The following TEX10 variants were observed in gnomAD, a reference collection of about 807,000 sequenced individuals.
TEX10 encodes testis-expressed protein 10.
TEX10 carries 24 observed loss-of-function variants against 104.4 expected under a neutral mutation model. The observed-to-expected ratio is 0.23, with a 90% CI of 0.17 to 0.32. The LOEUF (loss-of-function observed/expected upper bound fraction) is 0.32, where lower values mean the gene tolerates loss of function less well. TEX10 is among the 10% of genes least tolerant of loss of function. The pLI is 1.00. For synonymous variants in TEX10, 396 were observed against 393.4 expected, an observed-to-expected ratio of 1.01 and a Z score of -0.08; for missense variants, 921 against 1,083.9, an observed-to-expected ratio of 0.85 and a Z score of 2.11.
At chr9:100,334,262 A>G (rs1206933913) in intron 5 of TEX10, among the ~76,000 whole-genome samples, 4 of 149,122 alleles carry the variant, frequency 2.7e-5, no homozygotes, top group East Asian at 3.9e-4. Flanking sequence ...CTTTAGGGGG[A>G]AAAAAAAAAC....
At chr9:100,331,308 G>A (rs547180498) in intron 5 of TEX10, among the ~76,000 whole-genome samples, 1 of 152,166 alleles carries the variant, frequency 6.6e-6, no homozygotes, top group African/African-American at 2.4e-5. Flanking sequence ...ATGCTGGCAA[G>A]TGCCTGTAGT....
At chr9:100,328,458 C>T (rs560590996) in intron 7 of TEX10, among the ~76,000 whole-genome samples, 48 of 152,314 alleles carry the variant, frequency 3.2e-4, no homozygotes, top group Non-Finnish European at 5.4e-4. Flanking sequence ...CTCTGCTATA[C>T]ATTAGCTACA....
chr9:100,320,705 T>TA, intron 10 of TEX10, among the ~76,000 whole-genome samples: 1 of 152,318 alleles, frequency 6.6e-6, no homozygotes, highest in African/African-American at 2.4e-5. Flanking sequence ...TCTTTCCAAT[T>TA]AATGGTAGGT....
intron 14 of TEX10, among the ~76,000 whole-genome samples, chr9:100,303,196 C>T (rs530923357): frequency 6.6e-6 from 1 of 152,034 alleles, no homozygotes; most frequent in Admixed American, 6.5e-5. Context: ...CTTTAATGAT[C>T]ACCAAAACAC....
At chr9:100,316,543 G>GA (rs966079785) in intron 11 of TEX10, among the ~76,000 whole-genome samples, 64 of 151,790 alleles carry the variant, frequency 4.2e-4, no homozygotes, top group Admixed American at 3.4e-3. Context: ...TCAGGCAAGA[G>GA]AAAAAAAATA....
At chr9:100,308,016 G>C (rs1045060716) in intron 13 of TEX10, 1 of 152,040 alleles carries the variant, frequency 6.6e-6, no homozygotes, top group Non-Finnish European at 1.5e-5. Context: ...TCCCAACTAC[G>C]CTAAAAGCTC....
intron 6 of TEX10, 122 bp downstream of exon 6, chr9:100,329,809 T>C (rs1218354454): frequency 1.3e-5 from 11 of 856,578 alleles, no homozygotes; most frequent in African/African-American, 3.4e-5. Flanking sequence ...CTACCTTTTA[T>C]GGCTTGAATA....
chr9:100,324,244 G>C (rs1834647711), intron 9 of TEX10, among the ~76,000 whole-genome samples: 1 of 151,986 alleles, frequency 6.6e-6, no homozygotes, highest in South Asian at 2.1e-4. Context: ...CGTTGGCCAG[G>C]CTGGTCTCAA....
chr9:100,309,668 A>G (rs1313298124), intron 12 of TEX10, among the ~76,000 whole-genome samples: 1 of 152,244 alleles, frequency 6.6e-6, no homozygotes, highest in Non-Finnish European at 1.5e-5. Context: ...ATGTGCCTAT[A>G]TTTTATCCAA....
intron 13 of TEX10, chr9:100,307,920 T>A (rs1834181744): frequency 6.6e-6 from 1 of 152,098 alleles, no homozygotes; most frequent in South Asian, 2.1e-4. Flanking sequence ...TGTTAGCAGG[T>A]TTTAAAACCT....
chr9:100,330,618 G>A (rs1834835941), intron 5 of TEX10, among the ~76,000 whole-genome samples: 1 of 152,102 alleles, frequency 6.6e-6, no homozygotes, highest in Non-Finnish European at 1.5e-5. Flanking sequence ...GTGAAATAAG[G>A]AGACATACCC....
intron 6 of TEX10, 76 bp from the exon 7 acceptor site, chr9:100,329,351 G>A (rs977173071): frequency 5.1e-5 from 78 of 1,525,624 alleles, no homozygotes; most frequent in Admixed American, 7.1e-5. Flanking sequence ...TGAATGCACC[G>A]AAGTACTTTA....
At position 100,302,279 on chromosome 9, in the gene TEX10, TC is replaced by T. The variant is rs776900829; in HGVS notation, c.2701del (p.Glu901AsnfsTer38). The T allele has an allele frequency of 6.2e-7, 1 of 1,613,596 alleles. No homozygotes were observed. The highest frequency in any genetic ancestry group is 1.1e-5 in the South Asian group (1 of 90,994). On this transcript the variant is annotated frameshift_variant, in exon 15 of 15. Transcript: ENST00000374902. LOFTEE classifies it high-confidence loss of function. ...ITTLKSGSVQ[E>X]QWLTDLHYCF... ...GTAATGTAAGTCTGTGAGCCACTGT[TC>T]CTGAACACTTCCACTCTTCAATGTC... is the stretch of plus-strand genomic sequence containing the variant.
intron 14 of TEX10, 150 bp from the exon 15 acceptor site, chr9:100,302,454 G>A (rs1273832602): frequency 1.8e-6 from 1 of 552,326 alleles, no homozygotes; most frequent in Non-Finnish European, 3.2e-6. Flanking sequence ...AGGAAACAGG[G>A]AACTATTAAT....
At chr9:100,352,541 G>A (rs1835483228) in intron 1 of TEX10, 1 of 1,547,610 alleles carries the variant, frequency 6.5e-7, no homozygotes. Flanking sequence ...GAAACCAGGC[G>A]AACCCGCCCA....
At position 100,329,263 on chromosome 9, in the gene TEX10, G is replaced by A. The variant is rs1834790601; in HGVS notation, c.1502C>T (p.Thr501Ile). 2 of 1,605,040 alleles carry A rather than the reference G, an allele frequency of 1.2e-6. No homozygotes were observed. The highest frequency in any genetic ancestry group is 1.7e-6 in the Non-Finnish European group (2 of 1,178,048). ...QIQPNREDTE[T>I]LIKAVYTLYQ... ...TAATGTATAAACTGCCTTAATAAGAGTCTCTGTGTCCTCTACAAACAGAAA... is the reference window on the plus strand; with the variant it reads ...TAATGTATAAACTGCCTTAATAAGAATCTCTGTGTCCTCTACAAACAGAAA... The change falls in exon 7 of 15, where the codon ACT becomes ATT. Residue 501 changes from threonine to isoleucine, a missense_variant. Physicochemically the swap from Thr to Ile is moderately conservative, Grantham distance 89 (BLOSUM62 -1). Transcript: ENST00000374902.
intron 9 of TEX10, among the ~76,000 whole-genome samples, chr9:100,323,886 C>T (rs1421385648): frequency 6.6e-6 from 1 of 152,034 alleles, no homozygotes; most frequent in African/African-American, 2.4e-5. Flanking sequence ...ATACAGGATG[C>T]ATAGGACTGA....
chr9:100,315,328 T>C (rs889954215), intron 11 of TEX10, among the ~76,000 whole-genome samples: 2 of 152,194 alleles, frequency 1.3e-5, no homozygotes, highest in Non-Finnish European at 2.9e-5. Context: ...TCTTTCTCGA[T>C]GATCTAATGC....
At chr9:100,323,150 G>A (rs537793669) in intron 9 of TEX10, among the ~76,000 whole-genome samples, 1 of 152,254 alleles carries the variant, frequency 6.6e-6, no homozygotes, top group East Asian at 1.9e-4. Flanking sequence ...GCCAAAAGGG[G>A]CAGCAAATTT....
Sources: gnomAD v4.1 joint callset for allele counts (sites outside exome capture counted in the v4.1 genomes callset) on GRCh38, gnomAD v4.1.1 for gene constraint, MANE v1.5 for transcripts, NCBI Gene and HGNC (gene_info 2026-07-23, HGNC 2026-07-21) for gene names.